PRDM5: variants seen among roughly 807,000 people sequenced by gnomAD.
The protein encoded by PRDM5 is PR domain zinc finger protein 5.
In PRDM5, 56 loss-of-function variants were observed where a neutral mutation model predicts 81.2. The observed-to-expected ratio is 0.69, with a 90% CI of 0.56 to 0.86. The LOEUF is 0.86. PRDM5 is among the 40% of genes least tolerant of loss of function. The pLI, the probability that PRDM5 is intolerant of heterozygous loss-of-function variation, is 0.00. For synonymous variants in PRDM5, 267 were observed against 256.4 expected (o/e 1.04, Z -0.39); for missense variants, 697 against 770.1 (o/e 0.91, Z 1.12).
chr4:120,687,105 CT>C (rs2148975629), downstream of PRDM5, among the ~76,000 whole-genome samples: 1 of 152,002 alleles, frequency 6.6e-6, no homozygotes, highest in African/African-American at 2.4e-5. Flanking sequence ...TTTAAACGTA[CT>C]TATTTTTAGA....
At chr4:120,724,229 C>G (rs566388906) in intron 14 of PRDM5, among the ~76,000 whole-genome samples, 2 of 151,916 alleles carry the variant, frequency 1.3e-5, no homozygotes, top group Admixed American at 1.3e-4. Context: ...AGTCTCCATG[C>G]GGTATTAGGC....
In PRDM5 at chr4:120,872,150, C is replaced by CAAAAAAAAAAAAAAAAAAAAAAAA. The variant is rs70948365; in HGVS notation, c.178-18634_178-18611dup. Among the ~76,000 whole-genome samples, 38 of 41,828 alleles carry CAAAAAAAAAAAAAAAAAAAAAAAA rather than the reference C, an allele frequency of 9.1e-4. 1 individual carries two copies. The highest frequency in any genetic ancestry group is 1.2e-3 in the Non-Finnish European group (29 of 25,050). 27.4% of individuals were successfully genotyped at this position (41,828 alleles called of 152,430 possible). ...TGGGCGACAGAGCAAGACTCCATCT[C>CAAAAAAAAAAAAAAAAAAAAAAAA]AAAAAAAAAAAAAAAAAAAAAAAAC... is the stretch of plus-strand genomic sequence containing the variant. On this transcript the variant is annotated intron_variant, in intron 2 of 15. Transcript: ENST00000264808.
chr4:120,735,701 G>C (rs1561022756), intron 14 of PRDM5, among the ~76,000 whole-genome samples: 1 of 152,142 alleles, frequency 6.6e-6, no homozygotes, highest in East Asian at 1.9e-4. Context: ...CACTGGAAAG[G>C]GCTCTACTGA....
chr4:120,866,638 G>T (rs1761225966), intron 2 of PRDM5, among the ~76,000 whole-genome samples: 1 of 152,168 alleles, frequency 6.6e-6, no homozygotes, highest in Non-Finnish European at 1.5e-5. Flanking sequence ...ACTTTCCAAA[G>T]GTTTCACAGC....
chr4:120,830,675 C>A lies in PRDM5; in HGVS notation c.301-9330G>T, dbSNP rs144503155. Reference sequence around the variant, plus strand: ...GATGTATTCAAAACAAAGAACAGGGCAGGATACACTGATTCATGTTCAGAG... The same window carrying A: ...GATGTATTCAAAACAAAGAACAGGGAAGGATACACTGATTCATGTTCAGAG... On this transcript the variant is annotated intron_variant, in intron 3 of 15. Coordinates refer to ENST00000264808, the MANE Select transcript of PRDM5 (RefSeq NM_018699.4). 2.6e-5 allele frequency among the ~76,000 whole-genome samples: 4 copies of A among 152,042 alleles called. No homozygotes were observed. In the East Asian group the frequency reaches 7.7e-4, roughly 29 times the overall value.
chr4:120,804,923 GAGA>G (rs1238940147), intron 8 of PRDM5, among the ~76,000 whole-genome samples: 1 of 152,070 alleles, frequency 6.6e-6, no homozygotes. Context: ...CTGGTTTTTT[GAGA>G]AGATCAACAA....
intron 2 of PRDM5, among the ~76,000 whole-genome samples, chr4:120,885,190 A>G (rs1763305408): frequency 6.6e-6 from 1 of 150,516 alleles, no homozygotes; most frequent in South Asian, 2.1e-4. Context: ...ACGACACATT[A>G]CCCACCTCTG....
intron 2 of PRDM5, among the ~76,000 whole-genome samples, chr4:120,897,563 C>G (rs1268884559): frequency 1.3e-5 from 2 of 152,192 alleles, no homozygotes; most frequent in Non-Finnish European, 2.9e-5. Flanking sequence ...GTCCCATTTT[C>G]TACATCCTCT....
intron 13 of PRDM5, among the ~76,000 whole-genome samples, chr4:120,772,921 T>G (rs1302708741): frequency 6.6e-6 from 1 of 152,240 alleles, no homozygotes; most frequent in Non-Finnish European, 1.5e-5. Context: ...TGACTTCAAT[T>G]TGTAATACTA....
intron 8 of PRDM5, 113 bp from the exon 9 acceptor site, chr4:120,799,858 A>G: frequency 1.3e-6 from 2 of 1,504,102 alleles, no homozygotes; most frequent in South Asian, 1.3e-5. Flanking sequence ...CCCAAACTAT[A>G]TATTACAATT....
At position 120,698,179 on chromosome 4, in the gene PRDM5, A is replaced by G. The variant is rs1389651464; in HGVS notation, c.1729-2904T>C. ...CCATGTTCACTTAAGCAGCAAGTCC[A>G]CTCACATCAGACTTCTGCCTTGGAC... On this transcript the variant is annotated intron_variant, in intron 15 of 15. Coordinates refer to ENST00000264808, the MANE Select transcript of PRDM5 (RefSeq NM_018699.4). Among the ~76,000 whole-genome samples, 3 of 152,176 alleles carry G rather than the reference A, an allele frequency of 2.0e-5. No individual in the cohort carries two copies. The East Asian group carries it at 5.8e-4, about 29-fold the overall frequency.
rs752806243 is a variant in PRDM5, at chr4:120,857,314, C to T, written c.178-3774G>A. On this transcript the variant is annotated intron_variant, in intron 2 of 15. Transcript: ENST00000264808. ...CAGAAGTTGCTGTGAACCGAGATCA[C>T]GCCACTGCACTCCAGCCTGGGAAAC... 2.9e-4 allele frequency among the ~76,000 whole-genome samples: 44 copies of T among 152,220 alleles called. No individual in the cohort carries two copies. The Middle Eastern group carries it at 0.017, about 59-fold the overall frequency.
At chr4:120,688,439 C>T (rs1017618801), downstream of PRDM5, among the ~76,000 whole-genome samples, 1 of 152,086 alleles carries the variant, frequency 6.6e-6, no homozygotes, top group African/African-American at 2.4e-5. Flanking sequence ...TTGCTTCTCA[C>T]TCTGATTATT....
rs535617491 is a variant in PRDM5, at chr4:120,911,564, C to T, written c.94-4007G>A. ...AACTGTATGATTGCAAAAATGTGGG[C>T]CATTTTCTCTCATTTTGCTGAATGT... On this transcript the variant is annotated intron_variant, in intron 1 of 15. Coordinates refer to ENST00000264808, the MANE Select transcript of PRDM5 (RefSeq NM_018699.4). Among the ~76,000 whole-genome samples, 14 of 152,230 alleles carry T rather than the reference C, an allele frequency of 9.2e-5. No individual in the cohort carries two copies. In the South Asian group the frequency reaches 1.9e-3, roughly 20 times the overall value.
chr4:120,716,009 C>T (rs193084015), intron 14 of PRDM5, among the ~76,000 whole-genome samples: 5 of 152,110 alleles, frequency 3.3e-5, no homozygotes, highest in Non-Finnish European at 5.9e-5. Context: ...AGACTGACTC[C>T]CTGCTAGTAT....
intron 14 of PRDM5, among the ~76,000 whole-genome samples, chr4:120,715,288 CATT>C (rs1464011784): frequency 1.3e-5 from 2 of 152,106 alleles, no homozygotes; most frequent in Non-Finnish European, 2.9e-5. Context: ...TTTTATCCAG[CATT>C]AATAAGTGCT....
At position 120,695,076 on chromosome 4, in the gene PRDM5, C is replaced by A. The variant is rs894717561; in HGVS notation, c.*35G>T. On this transcript the variant is annotated 3_prime_UTR_variant, in exon 16 of 16. Transcript: ENST00000264808. ...AAAAATCTGGGATTCATATTAGGAG[C>A]CCTTCTGAATAGTTTAATTCCTTTA... 1.3e-6 allele frequency: 2 copies of A among 1,596,206 alleles called. No homozygotes were observed. Among genetic ancestry groups the A allele is most frequent in the Non-Finnish European group, 8.6e-7 (1 of 1,164,218 alleles).
intron 15 of PRDM5, among the ~76,000 whole-genome samples, chr4:120,705,183 T>C (rs1735929000): frequency 6.6e-6 from 1 of 152,166 alleles, no homozygotes; most frequent in African/African-American, 2.4e-5. Context: ...ACAAAAGCAG[T>C]AGTTATCAAT....
intron 14 of PRDM5, among the ~76,000 whole-genome samples, chr4:120,742,326 G>C (rs1236395193): frequency 6.6e-6 from 1 of 152,108 alleles, no homozygotes. Flanking sequence ...ACAAAGATGG[G>C]GAAAAAACAG....
Sources: gnomAD v4.1 joint callset for allele counts (sites outside exome capture counted in the v4.1 genomes callset) on GRCh38, gnomAD v4.1.1 for gene constraint, MANE v1.5 for transcripts, NCBI Gene and HGNC (gene_info 2026-07-23, HGNC 2026-07-21) for gene names.